The following ZSCAN32 variants were observed in gnomAD, a reference collection of about 807,000 sequenced individuals.
ZSCAN32 encodes zinc finger and SCAN domain-containing protein 32.
In ZSCAN32, 52 loss-of-function variants were observed where a neutral mutation model predicts 47.4. That is an observed-to-expected ratio of 1.10 (90% CI 0.88 to 1.38). ZSCAN32 has a LOEUF of 1.38. Among genes scored for constraint, ZSCAN32 ranks in the 40% most tolerant of loss-of-function variants. ZSCAN32 has a pLI of 0.00. For missense variants in ZSCAN32, 959 were observed against 846.0 expected (o/e 1.13, Z -1.66); for synonymous variants, 346 against 305.7 (o/e 1.13, Z -1.38).
chr16:3,396,204 A>G (rs1032708779), intron 2 of ZSCAN32, among the ~76,000 whole-genome samples: 4 of 152,214 alleles, frequency 2.6e-5, no homozygotes, highest in African/African-American at 9.7e-5. Flanking sequence ...AATCTTACTT[A>G]TGAATAAGAG....
At chr16:3,391,254 C>A (rs2032658915) in intron 3 of ZSCAN32, among the ~76,000 whole-genome samples, 1 of 152,174 alleles carries the variant, frequency 6.6e-6, no homozygotes, top group African/African-American at 2.4e-5. Flanking sequence ...TTACTTACAG[C>A]CCCCTGCTGT....
rs116369321 is a variant in ZSCAN32 at position 3,400,222 on chromosome 16, G to C, written c.-188+723C>G. Among the ~76,000 whole-genome samples the C allele has an allele frequency of 6.3e-3, 961 of 152,270 alleles. 7 individuals carry two copies. The highest frequency in any genetic ancestry group is 0.022 in the African/African-American group (899 of 41,546). On this transcript the variant is annotated intron_variant, in intron 1 of 6. Coordinates refer to ENST00000396852, the MANE Select transcript of ZSCAN32 (RefSeq NM_001284527.2). ...TTACATTTCAGTGCTTCTAGAGATA[G>C]AGAAATCAAGGGCATTATTATTGTT...
chr16:3,399,821 G>T (rs111379820), intron 1 of ZSCAN32, among the ~76,000 whole-genome samples: 5 of 152,288 alleles, frequency 3.3e-5, no homozygotes, highest in African/African-American at 9.6e-5. Flanking sequence ...GCCCAGGCTG[G>T]TCTCAAACTC....
intron 1 of ZSCAN32, among the ~76,000 whole-genome samples, chr16:3,400,386 C>G (rs570426336): frequency 6.6e-6 from 1 of 152,292 alleles, no homozygotes; most frequent in Non-Finnish European, 1.5e-5. Context: ...CTGTGCCTTA[C>G]CTGGCTGAAG....
In ZSCAN32 at chr16:3,382,809, C is replaced by T. The variant is rs200303319; in HGVS notation, c.*43G>A. 1.3e-6 allele frequency: 2 copies of T among 1,523,802 alleles called. No individual in the cohort carries two copies. The highest frequency in any genetic ancestry group is 2.3e-5 in the East Asian group (1 of 44,026). 94.4% of individuals were successfully genotyped at this position (1,523,802 alleles called of 1,614,324 possible). A position where few individuals can be genotyped will look rare whatever the true frequency, so the allele number is the denominator to read the frequency against. ...TCTCCACAGCAGAAGAAAGCTCATACATGCTGACCTGAGGAACTTAATCTG... is the reference window on the plus strand; with the variant it reads ...TCTCCACAGCAGAAGAAAGCTCATATATGCTGACCTGAGGAACTTAATCTG... On this transcript the variant is annotated 3_prime_UTR_variant, in exon 7 of 7. Coordinates refer to ENST00000396852, the MANE Select transcript of ZSCAN32 (RefSeq NM_001284527.2).
At chr16:3,384,199 G>C (rs991444546) in intron 6 of ZSCAN32, 1 of 586,686 alleles carries the variant, frequency 1.7e-6, no homozygotes, top group Non-Finnish European at 3.0e-6. Context: ...GGCCTAACCA[G>C]CAGTCTGACA....
rs745972005 is a variant in ZSCAN32 at position 3,390,465 on chromosome 16, G to A, written c.585C>T (p.His195=). The A allele has an allele frequency of 3.5e-5, 55 of 1,549,740 alleles. No individual in the cohort carries two copies. Among genetic ancestry groups the A allele is most frequent in the Non-Finnish European group, 4.5e-5 (52 of 1,146,954 alleles). ...PRNLPQNTGL[H]DQETGAVVWT... is the part of the protein sequence containing the mutation. ...AGACCACAGCACCTGTCTCCTGGTC[G>A]TGGAGACCTGTGTTTTGAGGCAGGT... The change falls in exon 4 of 7, where the codon CAC becomes CAT. Residue 195 remains histidine (H), a synonymous_variant. Transcript: ENST00000396852.
In ZSCAN32 at chr16:3,383,054, C is replaced by T. The variant is rs565309921; in HGVS notation, c.1892G>A (p.Ser631Asn). Residue 631 changes from serine to asparagine, a missense_variant, in exon 7 of 7, where the codon AGC becomes AAC. By Grantham distance (46) the Ser-to-Asn change is conservative. Coordinates refer to ENST00000396852, the MANE Select transcript of ZSCAN32 (RefSeq NM_001284527.2). ...SAHRRIHTGESPYKCAVCGKI... is the reference protein window; with the variant it reads ...SAHRRIHTGENPYKCAVCGKI... Reference sequence around the variant, plus strand: ...CCCACACACTGCACACTTGTATGGGCTCTCCCCAGTGTGGATGCGCCGGTG... The same window carrying T: ...CCCACACACTGCACACTTGTATGGGTTCTCCCCAGTGTGGATGCGCCGGTG... 1 of 1,614,088 alleles carries T rather than the reference C, an allele frequency of 6.2e-7. No homozygotes were observed. Among genetic ancestry groups the T allele is most frequent in the Admixed American group, 1.7e-5 (1 of 60,006 alleles).
intron 1 of ZSCAN32, 75 bp from the exon 2 acceptor site, chr16:3,397,819 TCCCTTTCC>T: frequency 5.8e-5 from 21 of 359,102 alleles, no homozygotes; most frequent in South Asian, 4.1e-4. Flanking sequence ...TTACTTCCTA[TCCCTTTCC>T]TTTACTCCCT....
Position 3,382,614 on chromosome 16 carries a change from A to G in ZSCAN32, c.*238T>C, listed in dbSNP as rs1478685363. On this transcript the variant is annotated 3_prime_UTR_variant, in exon 7 of 7. Coordinates refer to ENST00000396852, the MANE Select transcript of ZSCAN32 (RefSeq NM_001284527.2). Reference sequence around the variant, plus strand: ...CCTGGTTTCCTGGTAGAATTTATGGATCCTACAGCTTTCTCTCCATCAAAC... The same window carrying G: ...CCTGGTTTCCTGGTAGAATTTATGGGTCCTACAGCTTTCTCTCCATCAAAC... The G allele has an allele frequency of 2.4e-6, 1 of 421,724 alleles. No homozygotes were observed. 26.1% of individuals were successfully genotyped at this position (421,724 alleles called of 1,614,324 possible). A position where few individuals can be genotyped will look rare whatever the true frequency, so the allele number is the denominator to read the frequency against.
chr16:3,397,991 C>T (rs865952113), intron 1 of ZSCAN32, among the ~76,000 whole-genome samples: 1 of 152,266 alleles, frequency 6.6e-6, no homozygotes, highest in South Asian at 2.1e-4. Context: ...TCCAAACTGC[C>T]GTTGGTCATT....
intron 5 of ZSCAN32, among the ~76,000 whole-genome samples, chr16:3,386,940 A>T (rs1271063674): frequency 0.022 from 58 of 2,684 alleles, no homozygotes; most frequent in Admixed American, 0.084. Context: ...TTAAAGTATA[A>T]AAAAAAAAAA....
rs1268130231 is a variant in ZSCAN32, at chr16:3,382,752, G to C, written c.*100C>G. On this transcript the variant is annotated 3_prime_UTR_variant, in exon 7 of 7. Transcript: ENST00000396852. ...GGGTCTTAAGATCCAGTAGTCAGTA[G>C]GTCTGTTGCAAAGTCAGGGACTGGC... 5 of 1,493,312 alleles carry C rather than the reference G, an allele frequency of 3.3e-6. No individual in the cohort carries two copies. Among genetic ancestry groups the C allele is most frequent in the Non-Finnish European group, 4.5e-6 (5 of 1,121,192 alleles). 92.5% of individuals were successfully genotyped at this position (1,493,312 alleles called of 1,614,324 possible).
At chr16:3,395,693 G>C (rs531930630) in intron 2 of ZSCAN32, among the ~76,000 whole-genome samples, 2 of 152,144 alleles carry the variant, frequency 1.3e-5, no homozygotes, top group African/African-American at 4.8e-5. Flanking sequence ...CTCCTGCACT[G>C]TTTTCTTTTA....
chr16:3,398,272 C>A (rs1208496937), intron 1 of ZSCAN32, among the ~76,000 whole-genome samples: 1 of 152,140 alleles, frequency 6.6e-6, no homozygotes, highest in African/African-American at 2.4e-5. Context: ...TGCTTTCTGA[C>A]AACCAGATGG....
Position 3,392,715 on chromosome 16 carries a change from A to G in ZSCAN32, c.532+934T>C, listed in dbSNP as rs546535813. ...GGTGGCGGGTGCTTTAGTCCCAGCTACTTGGGAGGCTGAGGCAGGAGAATG... is the reference window on the plus strand; with the variant it reads ...GGTGGCGGGTGCTTTAGTCCCAGCTGCTTGGGAGGCTGAGGCAGGAGAATG... On this transcript the variant is annotated intron_variant, in intron 3 of 6. Transcript: ENST00000396852. 1.6e-3 allele frequency among the ~76,000 whole-genome samples: 243 copies of G among 152,126 alleles called. 1 individual carries two copies. The highest frequency in any genetic ancestry group is 2.3e-3 in the Non-Finnish European group (153 of 67,986).
intron 6 of ZSCAN32, chr16:3,384,090 G>A: frequency 2.1e-6 from 1 of 475,326 alleles, no homozygotes; most frequent in Non-Finnish European, 3.7e-6. Flanking sequence ...AGCTCAAACA[G>A]GAAGAAAGCA....
rs1012462587 is a variant in ZSCAN32, at chr16:3,397,476, C to G, written c.82G>C (p.Gly28Arg). The G allele has an allele frequency of 5.8e-6, 9 of 1,550,512 alleles. No individual in the cohort carries two copies. The Admixed American group carries it at 1.8e-4, about 30-fold the overall frequency. The stretch of plus-strand genomic sequence containing the variant: ...GAGGCCTCGGAGTCAGGGCTGTTAC[C>G]CTGGAGGGCTGATTTCTGGCCCTGT... Reference protein sequence around the residue: ...PTQGQKSALQGNSPDSEASRQ... With the variant: ...PTQGQKSALQRNSPDSEASRQ... The change falls in exon 2 of 7, where the codon GGT (glycine) becomes CGT (arginine). Residue 28 changes from glycine (G) to arginine (R), a missense_variant. By Grantham distance (125) the Gly-to-Arg change is moderately radical (BLOSUM62 -2). Transcript: ENST00000396852.
At chr16:3,393,875 C>T in intron 2 of ZSCAN32, 61 bp from the exon 3 acceptor site, 2 of 1,376,484 alleles carry the variant, frequency 1.5e-6, no homozygotes, top group East Asian at 2.6e-5. Context: ...CTTTACAACT[C>T]CTAAGAGTGG....
Sources: allele counts gnomAD v4.1 joint callset (sites outside exome capture counted in the v4.1 genomes callset), GRCh38; gene constraint gnomAD v4.1.1; transcripts MANE v1.5; gene names NCBI Gene and HGNC (gene_info 2026-07-23, HGNC 2026-07-21).